MYLK3: variants seen among roughly 807,000 people sequenced by gnomAD.
MYLK3 encodes the protein MLC kinase.
Under a neutral mutation model 76.3 loss-of-function variants are expected in MYLK3, and 55 were observed. The observed-to-expected ratio is 0.72, with a 90% CI of 0.58 to 0.90. The LOEUF (loss-of-function observed/expected upper bound fraction) is 0.90. Among genes scored for constraint, MYLK3 ranks in the 40% least tolerant of loss-of-function variants. The pLI is 0.00. For missense variants in MYLK3, 973 were observed against 1,053.6 expected (o/e 0.92, Z 1.06); for synonymous variants, 416 against 425.4 (o/e 0.98, Z 0.27).
At chr16:46,723,903 C>A (rs1308508110) in intron 8 of MYLK3, among the ~76,000 whole-genome samples, 2 of 152,212 alleles carry the variant, frequency 1.3e-5, no homozygotes, top group Non-Finnish European at 1.5e-5. Context: ...CCTGCCTCGG[C>A]CTCCCAAAGT....
intron 8 of MYLK3, among the ~76,000 whole-genome samples, chr16:46,725,024 G>A (rs1206191351): frequency 6.6e-6 from 1 of 152,012 alleles, no homozygotes; most frequent in Non-Finnish European, 1.5e-5. Context: ...TTTTTTCTAA[G>A]TATATTTCTA....
intron 1 of MYLK3, among the ~76,000 whole-genome samples, chr16:46,759,447 C>T (rs1967247221): frequency 6.6e-6 from 1 of 152,182 alleles, no homozygotes; most frequent in South Asian, 2.1e-4. Flanking sequence ...ACATCAATTA[C>T]TGTACTTGCC....
chr16:46,725,521 T>A (rs2143014190), intron 8 of MYLK3, among the ~76,000 whole-genome samples: 1 of 152,392 alleles, frequency 6.6e-6, no homozygotes, highest in East Asian at 1.9e-4. Flanking sequence ...TTCTCATCTA[T>A]TAAAATGATT....
At chr16:46,711,108 G>A (rs922646277) in intron 10 of MYLK3, 3 of 295,492 alleles carry the variant, frequency 1.0e-5, no homozygotes, top group Non-Finnish European at 1.9e-5. Flanking sequence ...AGTACACATT[G>A]ATTTAATTTT....
At chr16:46,754,515 G>C (rs2143018069) in intron 1 of MYLK3, among the ~76,000 whole-genome samples, 1 of 152,236 alleles carries the variant, frequency 6.6e-6, no homozygotes, top group Admixed American at 6.5e-5. Flanking sequence ...AGAGATCTGA[G>C]GGAGCACACT....
upstream of MYLK3, among the ~76,000 whole-genome samples, chr16:46,749,655 G>A (rs565502094): frequency 3.0e-3 from 451 of 152,294 alleles, no homozygotes; most frequent in Non-Finnish European, 5.0e-3. Context: ...AGGCTAAGGC[G>A]GGAGGATTGC....
At chr16:46,753,844 C>T (rs1967162498) in intron 1 of MYLK3, among the ~76,000 whole-genome samples, 1 of 152,146 alleles carries the variant, frequency 6.6e-6, no homozygotes, top group African/African-American at 2.4e-5. Context: ...GCCCAAGAGG[C>T]AGAGGTTGCA....
At chr16:46,727,579 T>C (rs540588085) in intron 7 of MYLK3, among the ~76,000 whole-genome samples, 35 of 152,296 alleles carry the variant, frequency 2.3e-4, no homozygotes, top group African/African-American at 7.5e-4. Flanking sequence ...CAGGCTGGAG[T>C]GCAGTGGCGC....
rs1309497759 is a variant in MYLK3, at chr16:46,738,111, C to T, written c.601G>A (p.Ala201Thr). Residue 201 changes from alanine to threonine, a missense_variant, in exon 3 of 13, where the codon GCG becomes ACG. Transcript: ENST00000394809. ...SQKADVLEGT[A>T]ERLPPIRASG... The stretch of plus-strand genomic sequence containing the variant: ...GCTCTGATGGGGGGCAGCCTCTCCG[C>T]TGTCCCCTCCAGCACGTCCGCCTTC... The T allele has an allele frequency of 6.4e-7, 1 of 1,571,166 alleles. No homozygotes were observed. The highest frequency in any genetic ancestry group is 1.8e-5 in the Admixed American group (1 of 57,080).
rs376169087 is a variant in MYLK3 at position 46,747,989 on chromosome 16, C to T, written c.205G>A (p.Ala69Thr). The change falls in exon 1 of 13, where the codon GCC becomes ACC. Residue 69 changes from alanine to threonine, a missense_variant. This residue lies in a region of MYLK3 where 641 missense variants were observed against 637.0 expected (regional missense o/e 1.01). Coordinates refer to ENST00000394809, the MANE Select transcript of MYLK3 (RefSeq NM_182493.3). ...HLERGLHRLE[A>T]SRAPGPGGAD... ...CCGCCCGGGCCCGGTGCCCGGGAGG[C>T]CTCCAGCCTGTGCAGGCCCCGCTCC... 18 of 1,613,420 alleles carry T rather than the reference C, an allele frequency of 1.1e-5. No individual in the cohort carries two copies. Among genetic ancestry groups the T allele is most frequent in the African/African-American group, 2.7e-5 (2 of 74,960 alleles).
chr16:46,721,019 A>G (rs1966793820), intron 9 of MYLK3, 104 bp downstream of exon 9: 2 of 992,516 alleles, frequency 2.0e-6, no homozygotes, highest in Non-Finnish European at 3.2e-6. Flanking sequence ...TTCTTGCATC[A>G]GTTCCAAAAC....
chr16:46,743,650 T>TA (rs1209163688), intron 1 of MYLK3, among the ~76,000 whole-genome samples: 3 of 152,098 alleles, frequency 2.0e-5, no homozygotes, highest in African/African-American at 7.2e-5. Flanking sequence ...GCACAAGAAC[T>TA]CAGAAAAGAG....
chr16:46,746,087 G>A (rs144066170), intron 1 of MYLK3, among the ~76,000 whole-genome samples: 6 of 151,976 alleles, frequency 3.9e-5, no homozygotes, highest in East Asian at 1.9e-4. Context: ...ATTGGTTCCC[G>A]GGCCCCCTCC....
At chr16:46,728,634 T>G (rs908451711) in intron 7 of MYLK3, among the ~76,000 whole-genome samples, 1 of 152,168 alleles carries the variant, frequency 6.6e-6, no homozygotes, top group Non-Finnish European at 1.5e-5. Flanking sequence ...AGTGGGAGGA[T>G]CACTGGAGTC....
intron 3 of MYLK3, among the ~76,000 whole-genome samples, chr16:46,733,050 A>G (rs899403573): frequency 6.6e-6 from 1 of 152,230 alleles, no homozygotes; most frequent in Non-Finnish European, 1.5e-5. Flanking sequence ...GCCCCAGATC[A>G]GAAGTATTTG....
rs749263909 is a variant in MYLK3 at position 46,730,631 on chromosome 16, A to T, written c.1530T>A (p.Ser510=). ...CGTGCTGGCACACCTCGTAACCCGC[A>T]GAGATGGAGGTCTCCTTGACGCTCA... ...RVVSVKETSI[S]AGYEVCQHEV... The change falls in exon 5 of 13, where the codon TCT becomes TCA. Residue 510 remains serine (S), a synonymous_variant. Coordinates refer to ENST00000394809, the MANE Select transcript of MYLK3 (RefSeq NM_182493.3). 6.2e-7 allele frequency: 1 copy of T among 1,614,030 alleles called. No individual in the cohort carries two copies. Among genetic ancestry groups the T allele is most frequent in the Admixed American group, 1.7e-5 (1 of 60,010 alleles).
At chr16:46,745,239 GAT>G (rs1967002524) in intron 1 of MYLK3, among the ~76,000 whole-genome samples, 1 of 152,128 alleles carries the variant, frequency 6.6e-6, no homozygotes, top group East Asian at 1.9e-4. Context: ...TACATCTATG[GAT>G]ATTCACTGCA....
chr16:46,717,982 T>C (rs1966760949), intron 9 of MYLK3, among the ~76,000 whole-genome samples: 1 of 152,240 alleles, frequency 6.6e-6, no homozygotes. Context: ...TACACCAGCA[T>C]GTGCATTCTC....
rs531740939 is a variant in MYLK3 at position 46,713,158 on chromosome 16, G to A, written c.1986-382C>T. ...TTCTGGAGATTGGTTGCACAACAAC[G>A]AGAATGTACTAATTGTATATATTTA... On this transcript the variant is annotated intron_variant, in intron 9 of 12. Coordinates refer to ENST00000394809, the MANE Select transcript of MYLK3 (RefSeq NM_182493.3). 1.3e-4 allele frequency among the ~76,000 whole-genome samples: 20 copies of A among 151,242 alleles called. No homozygotes were observed. In the South Asian group the frequency reaches 3.8e-3, roughly 28 times the overall value.
Sources: allele counts gnomAD v4.1 joint callset (sites outside exome capture counted in the v4.1 genomes callset), GRCh38; gene constraint gnomAD v4.1.1; regional missense constraint gnomAD v4.1.1; transcripts MANE v1.5; gene names NCBI Gene and HGNC (gene_info 2026-07-23, HGNC 2026-07-21).